Variants in TMEM117 observed in about 807,000 individuals in gnomAD.
TMEM117 encodes transmembrane protein 117.
TMEM117 carries 27 observed loss-of-function variants against 52.4 expected under a neutral mutation model. The ratio of observed to expected loss-of-function variants is 0.51; its 90% CI spans 0.38 to 0.71. The LOEUF (loss-of-function observed/expected upper bound fraction) is 0.71, where lower values mean the gene tolerates loss of function less well. Among genes scored for constraint, TMEM117 ranks in the 30% least tolerant of loss-of-function variants. The probability of loss-of-function intolerance (pLI) is 0.00; values close to 1 mark genes in which losing one functional copy is unlikely to be tolerated. For synonymous variants in TMEM117, 215 were observed against 206.3 expected (o/e 1.04, Z -0.36); for missense variants, 556 against 630.5 (o/e 0.88, Z 1.26).
At chr12:44,180,239 A>G (rs1279770388) in intron 4 of TMEM117, among the ~76,000 whole-genome samples, 2 of 151,918 alleles carry the variant, frequency 1.3e-5, no homozygotes, top group East Asian at 1.9e-4. Flanking sequence ...CATCATCATC[A>G]TCGTCATCAT....
intron 3 of TMEM117, among the ~76,000 whole-genome samples, chr12:44,011,429 G>A (rs1048153517): frequency 2.6e-5 from 4 of 152,100 alleles, no homozygotes; most frequent in Non-Finnish European, 1.5e-5. Flanking sequence ...GTGAATAAAT[G>A]TCATGAGATC....
At chr12:43,966,797 A>AAAAG in intron 3 of TMEM117, among the ~76,000 whole-genome samples, 1 of 152,254 alleles carries the variant, frequency 6.6e-6, no homozygotes, top group East Asian at 1.9e-4. Context: ...AGTGATTGAC[A>AAAAG]AAAGAATTGT....
chr12:43,813,421 T>G, the TMEM117 span, among the ~76,000 whole-genome samples: 3 of 151,788 alleles, frequency 2.0e-5, no homozygotes, highest in Non-Finnish European at 4.4e-5. Context: ...TTTTTGTATT[T>G]TTTAGTAGAG....
chr12:44,123,626 C>T (rs1948273699), intron 3 of TMEM117, among the ~76,000 whole-genome samples: 1 of 152,130 alleles, frequency 6.6e-6, no homozygotes, highest in Non-Finnish European at 1.5e-5. Flanking sequence ...TATGGCTAGC[C>T]AGTTCTCCCA....
intron 4 of TMEM117, among the ~76,000 whole-genome samples, chr12:44,145,074 G>A (rs920264574): frequency 3.3e-5 from 5 of 152,092 alleles, no homozygotes; most frequent in Admixed American, 6.5e-5. Flanking sequence ...GGAGAATGGC[G>A]TGAACCTGGG....
intron 4 of TMEM117, among the ~76,000 whole-genome samples, chr12:44,177,996 CTT>C (rs1196248201): frequency 2.6e-5 from 4 of 152,022 alleles, no homozygotes; most frequent in African/African-American, 9.7e-5. Context: ...ATGACAAACT[CTT>C]ATATAATTAA....
chr12:44,338,860 C>T (rs980826644), intron 6 of TMEM117, among the ~76,000 whole-genome samples: 2 of 152,004 alleles, frequency 1.3e-5, no homozygotes, highest in Admixed American at 6.6e-5. Flanking sequence ...GTAGAAAGGG[C>T]CATGTGGCAA....
At chr12:43,874,804 A>G (rs1299840983) in intron 2 of TMEM117, among the ~76,000 whole-genome samples, 1 of 152,212 alleles carries the variant, frequency 6.6e-6, no homozygotes, top group Non-Finnish European at 1.5e-5. Flanking sequence ...AATTAATTTG[A>G]GCTAGTATCT....
At position 43,983,005 on chromosome 12, in the gene TMEM117, A is replaced by C. The variant is rs1435655489; in HGVS notation, c.410+38663A>C. 2.0e-5 allele frequency among the ~76,000 whole-genome samples: 3 copies of C among 152,204 alleles called. No homozygotes were observed. In the East Asian group the frequency reaches 5.8e-4, roughly 29 times the overall value. ...AATACTATGCAGTTAAAGGAGTTGC[A>C]TCATAAACCACCTCAATGTTTAGAA... is the stretch of plus-strand genomic sequence containing the variant. On this transcript the variant is annotated intron_variant, in intron 3 of 7. Coordinates refer to ENST00000266534, the MANE Select transcript of TMEM117 (RefSeq NM_032256.3).
intron 3 of TMEM117, among the ~76,000 whole-genome samples, chr12:43,949,096 C>T (rs976712440): frequency 2.6e-5 from 4 of 152,118 alleles, no homozygotes; most frequent in Non-Finnish European, 4.4e-5. Context: ...CTGAATCCAT[C>T]GGATCTGCAG....
At chr12:44,213,937 T>C (rs1487962775) in intron 5 of TMEM117, among the ~76,000 whole-genome samples, 1 of 152,070 alleles carries the variant, frequency 6.6e-6, no homozygotes, top group East Asian at 1.9e-4. Context: ...TTGATGACTG[T>C]TCTCTGCTAG....
At chr12:44,367,787 T>G (rs1270012861) in intron 6 of TMEM117, among the ~76,000 whole-genome samples, 1 of 152,136 alleles carries the variant, frequency 6.6e-6, no homozygotes, top group African/African-American at 2.4e-5. Context: ...GCAAGTGTAT[T>G]GGTTCCCCAA....
chr12:44,240,102 G>A (rs1950043773), intron 5 of TMEM117, among the ~76,000 whole-genome samples: 1 of 152,100 alleles, frequency 6.6e-6, no homozygotes. Flanking sequence ...ATTTAACTGA[G>A]AGTGACAGAA....
At chr12:44,019,834 G>A (rs891617998) in intron 3 of TMEM117, among the ~76,000 whole-genome samples, 1 of 152,276 alleles carries the variant, frequency 6.6e-6, no homozygotes, top group South Asian at 2.1e-4. Context: ...CTCTATGAAC[G>A]TGAGTAATGA....
At chr12:44,118,335 C>T (rs1948179362) in intron 3 of TMEM117, among the ~76,000 whole-genome samples, 1 of 152,042 alleles carries the variant, frequency 6.6e-6, no homozygotes, top group African/African-American at 2.4e-5. Context: ...TATTAGGTAC[C>T]TACGTTAACT....
intron 4 of TMEM117, among the ~76,000 whole-genome samples, chr12:44,145,049 C>T (rs1275376334): frequency 2.0e-5 from 3 of 151,854 alleles, no homozygotes; most frequent in Non-Finnish European, 4.4e-5. Context: ...CCCAGCTACT[C>T]GGGAGGCTGA....
At chr12:44,042,283 T>G (rs77524033) in intron 3 of TMEM117, among the ~76,000 whole-genome samples, 1,707 of 149,938 alleles carry the variant, frequency 0.011, 30 homozygotes, top group African/African-American at 0.041. Flanking sequence ...TGAAGTTGTA[T>G]TATGTTTTTG....
intron 6 of TMEM117, among the ~76,000 whole-genome samples, chr12:44,373,004 T>TA (rs1253643666): frequency 6.6e-6 from 1 of 152,206 alleles, no homozygotes; most frequent in Non-Finnish European, 1.5e-5. Context: ...TATACTTCAG[T>TA]AAAAAATGGG....
chr12:44,115,582 TG>T (rs1206668701), intron 3 of TMEM117, among the ~76,000 whole-genome samples: 2 of 152,148 alleles, frequency 1.3e-5, no homozygotes, highest in African/African-American at 4.8e-5. Context: ...TTATTTTTGC[TG>T]TTATTTGAAT....
Sources: gnomAD v4.1 joint callset for allele counts (sites outside exome capture counted in the v4.1 genomes callset) on GRCh38, gnomAD v4.1.1 for gene constraint, MANE v1.5 for transcripts, NCBI Gene and HGNC (gene_info 2026-07-23, HGNC 2026-07-21) for gene names.